The following GPATCH2L variants were observed in gnomAD, a reference collection of about 807,000 sequenced individuals.
GPATCH2L encodes the protein G-patch domain containing 2 like, also known as G patch domain-containing protein 2-like.
A neutral mutation model predicts 57.4 loss-of-function variants in GPATCH2L; 31 were observed. That is an observed-to-expected ratio of 0.54 (90% CI 0.41 to 0.73). The LOEUF (loss-of-function observed/expected upper bound fraction) is 0.73. Among genes scored for constraint, GPATCH2L ranks in the 30% least tolerant of loss-of-function variants. The pLI, the probability that GPATCH2L is intolerant of heterozygous loss-of-function variation, is 0.00. For missense variants in GPATCH2L, 481 were observed against 599.9 expected, an observed-to-expected ratio of 0.80 and a Z score of 2.07; for synonymous variants, 199 against 210.7, an observed-to-expected ratio of 0.94 and a Z score of 0.48.
In GPATCH2L at chr14:76,209,244, C is replaced by G. The variant is rs796317730; in HGVS notation, c.*7393C>G. ...TCTAGCACAGACTGGATGCCGGTCTCTGCCGCCACCTCCGTTATTTCAGTG... is the reference window on the plus strand; with the variant it reads ...TCTAGCACAGACTGGATGCCGGTCTGTGCCGCCACCTCCGTTATTTCAGTG... On this transcript the variant is annotated 3_prime_UTR_variant, in exon 10 of 10. Transcript: ENST00000261530. The G allele has an allele frequency of 2.0e-4, 30 of 152,426 alleles. 1 individual carries two copies. The highest frequency in any genetic ancestry group is 6.5e-4 in the African/African-American group (27 of 41,576). The allele number at this position is 152,426 out of a possible 1,614,324, so 9.4% of individuals were successfully genotyped here.
At position 76,176,691 on chromosome 14, in the gene GPATCH2L, G is replaced by GT. The variant is rs1420997101; in HGVS notation, c.1052+2dup. On this transcript the variant is annotated splice_donor_variant, in intron 6 of 9. Coordinates refer to ENST00000261530, the MANE Select transcript of GPATCH2L (RefSeq NM_017926.4). LOFTEE classifies it high-confidence loss of function. ...TCATTAGTGACCCTCGGCAGAAAGA[G>GT]TAAGTGCTTATGTATTTACTGGCTG... The GT allele has an allele frequency of 6.3e-7, 1 of 1,596,906 alleles. No individual in the cohort carries two copies. Among genetic ancestry groups the GT allele is most frequent in the South Asian group, 1.1e-5 (1 of 90,734 alleles).
downstream of GPATCH2L, among the ~76,000 whole-genome samples, chr14:76,215,461 A>G (rs370779994): frequency 0.014 from 2,019 of 149,496 alleles, 22 homozygotes; most frequent in South Asian, 0.045. Flanking sequence ...AAAGACACAT[A>G]CACACGTATG....
intron 2 of GPATCH2L, among the ~76,000 whole-genome samples, chr14:76,155,268 C>T (rs1277299254): frequency 6.6e-6 from 1 of 152,144 alleles, no homozygotes; most frequent in Non-Finnish European, 1.5e-5. Flanking sequence ...AAAACGCGTA[C>T]CTCAAATGCA....
intron 1 of GPATCH2L, among the ~76,000 whole-genome samples, chr14:76,228,535 C>G (rs1168405356): frequency 2.0e-5 from 3 of 152,198 alleles, no homozygotes; most frequent in East Asian, 3.8e-4. Flanking sequence ...TGGGTTGCAT[C>G]TGTAATAAGT....
chr14:76,191,111 G>C (rs763736747), intron 8 of GPATCH2L, among the ~76,000 whole-genome samples: 1 of 151,920 alleles, frequency 6.6e-6, no homozygotes, highest in Non-Finnish European at 1.5e-5. Context: ...TGGTGAGAAA[G>C]GGAAGTTCAG....
intron 8 of GPATCH2L, among the ~76,000 whole-genome samples, chr14:76,182,126 G>A (rs1246827879): frequency 6.6e-6 from 1 of 152,080 alleles, no homozygotes; most frequent in African/African-American, 2.4e-5. Context: ...GGGAGGCCGA[G>A]GTGGGCGGAT....
At chr14:76,184,500 C>T (rs531390826) in intron 8 of GPATCH2L, among the ~76,000 whole-genome samples, 4 of 101,980 alleles carry the variant, frequency 3.9e-5, no homozygotes, top group African/African-American at 7.6e-5. Flanking sequence ...TAGGTGGGGG[C>T]GGGGGGCATT....
At chr14:76,152,152 C>T (rs1219966822) in intron 1 of GPATCH2L, among the ~76,000 whole-genome samples, 161 bp downstream of exon 1, 2 of 152,266 alleles carry the variant, frequency 1.3e-5, no homozygotes, top group African/African-American at 4.8e-5. Context: ...GGCCCTTGTC[C>T]CCATCCCTGG....
rs1420178316 is a variant in GPATCH2L at position 76,213,130 on chromosome 14, TGAG to T, written c.*11282_*11284del. 1 of 151,852 alleles carries T rather than the reference TGAG, an allele frequency of 6.6e-6. No individual in the cohort carries two copies. Among genetic ancestry groups the T allele is most frequent in the Non-Finnish European group, 1.5e-5 (1 of 67,950 alleles). 9.4% of individuals were successfully genotyped at this position (151,852 alleles called of 1,614,324 possible). A position where few individuals can be genotyped will look rare whatever the true frequency, so the allele number is the denominator to read the frequency against. On this transcript the variant is annotated 3_prime_UTR_variant, in exon 10 of 10. Transcript: ENST00000261530. The stretch of plus-strand genomic sequence containing the variant: ...AATCAAGAAAAATTAATTAGAAAAA[TGAG>T]GAAACAAAGCTAATTTTTAAAATAT...
chr14:76,179,452 A>G (rs974447410), intron 7 of GPATCH2L: 2 of 152,348 alleles, frequency 1.3e-5, no homozygotes, highest in African/African-American at 4.8e-5. Context: ...AGCACTAATC[A>G]TGTTTGCATC....
At chr14:76,221,122 G>A (rs1418351367) in intron 1 of GPATCH2L, among the ~76,000 whole-genome samples, 22 of 148,996 alleles carry the variant, frequency 1.5e-4, no homozygotes, top group African/African-American at 4.2e-4. Context: ...ATCTGATAAA[G>A]GACTGTTATC....
intron 8 of GPATCH2L, among the ~76,000 whole-genome samples, chr14:76,191,462 G>A (rs1484598565): frequency 6.6e-6 from 1 of 152,038 alleles, no homozygotes; most frequent in Non-Finnish European, 1.5e-5. Flanking sequence ...AAATAATACA[G>A]GCAGCCCTGC....
chr14:76,181,881 C>T (rs1476435539), intron 8 of GPATCH2L, among the ~76,000 whole-genome samples: 1 of 152,100 alleles, frequency 6.6e-6, no homozygotes, highest in Non-Finnish European at 1.5e-5. Flanking sequence ...TGGTTATGTT[C>T]ATAGCTTTTG....
At chr14:76,176,021 A>T (rs2139685733) in intron 5 of GPATCH2L, 1 of 152,346 alleles carries the variant, frequency 6.6e-6, no homozygotes, top group Non-Finnish European at 1.5e-5. Context: ...TTTACACTAT[A>T]ATCTTGAGAA....
chr14:76,188,338 A>G (rs528742859), intron 8 of GPATCH2L, among the ~76,000 whole-genome samples: 1 of 152,256 alleles, frequency 6.6e-6, no homozygotes, highest in South Asian at 2.1e-4. Context: ...TCCCACCAAC[A>G]GTGTACGAAG....
chr14:76,232,403 G>A (rs1014121613), intron 2 of GPATCH2L, among the ~76,000 whole-genome samples: 2 of 152,054 alleles, frequency 1.3e-5, no homozygotes, highest in Non-Finnish European at 2.9e-5. Flanking sequence ...GGGTTCAAGC[G>A]ATTCTCCTGC....
At chr14:76,188,127 A>C (rs868191250) in intron 8 of GPATCH2L, among the ~76,000 whole-genome samples, 1 of 152,106 alleles carries the variant, frequency 6.6e-6, no homozygotes, top group Non-Finnish European at 1.5e-5. Context: ...GTTGATGAAC[A>C]CTTAGGTTGC....
At chr14:76,169,372 T>C (rs998093497) in intron 3 of GPATCH2L, among the ~76,000 whole-genome samples, 1 of 152,218 alleles carries the variant, frequency 6.6e-6, no homozygotes, top group African/African-American at 2.4e-5. Context: ...TAAATAATTA[T>C]TTATAATCCA....
chr14:76,167,511 G>A (rs1385497660), intron 3 of GPATCH2L, among the ~76,000 whole-genome samples: 1 of 152,194 alleles, frequency 6.6e-6, no homozygotes, highest in Non-Finnish European at 1.5e-5. Flanking sequence ...ACATGTCTAG[G>A]TTGATCCAAG....
Sources: gnomAD v4.1 joint callset for allele counts (sites outside exome capture counted in the v4.1 genomes callset) on GRCh38, gnomAD v4.1.1 for gene constraint, MANE v1.5 for transcripts, NCBI Gene and HGNC (gene_info 2026-07-23, HGNC 2026-07-21) for gene names.